Variants in BRINP1 observed in about 807,000 individuals in gnomAD.
The protein encoded by BRINP1 is BMP/retinoic acid-inducible neural-specific protein 1.
Under a neutral mutation model 72.9 loss-of-function variants are expected in BRINP1, and 17 were observed. That is an observed-to-expected ratio of 0.23 (90% CI 0.16 to 0.35). The LOEUF (loss-of-function observed/expected upper bound fraction) is 0.35. Ranked by LOEUF, BRINP1 falls within the 10% of genes least tolerant of loss-of-function variation. The pLI, the probability that BRINP1 is intolerant of heterozygous loss-of-function variation, is 1.00. For missense variants in BRINP1, 850 were observed against 1,001.6 expected, an observed-to-expected ratio of 0.85 and a Z score of 2.04; for synonymous variants, 418 against 378.5, an observed-to-expected ratio of 1.10 and a Z score of -1.21.
chr9:119,209,420 T>C (rs1829896551), intron 6 of BRINP1, among the ~76,000 whole-genome samples: 1 of 151,760 alleles, frequency 6.6e-6, no homozygotes, highest in Non-Finnish European at 1.5e-5. Context: ...ATATAAAAAT[T>C]AACCAGGCGT....
chr9:119,203,150 T>G (rs1399234605), intron 7 of BRINP1, among the ~76,000 whole-genome samples: 1 of 152,162 alleles, frequency 6.6e-6, no homozygotes, highest in Non-Finnish European at 1.5e-5. Context: ...CCAAACCCAG[T>G]GCAGTCTCCT....
chr9:119,282,721 G>T, intron 2 of BRINP1: 10 of 888,250 alleles, frequency 1.1e-5, no homozygotes, highest in Non-Finnish European at 1.3e-5. Flanking sequence ...TCTGGAAGGG[G>T]ACTGGGGAAC....
At chr9:119,214,885 T>G (rs1829962820) in intron 5 of BRINP1, among the ~76,000 whole-genome samples, 1 of 152,114 alleles carries the variant, frequency 6.6e-6, no homozygotes, top group Admixed American at 6.5e-5. Context: ...AAATTCCTAG[T>G]GAAGAAATGA....
intron 1 of BRINP1, among the ~76,000 whole-genome samples, chr9:119,334,343 T>C (rs370773404): frequency 2.3e-4 from 35 of 152,280 alleles, no homozygotes; most frequent in East Asian, 1.4e-3. Context: ...CAACACCGTG[T>C]TGTTGGCACA....
chr9:119,287,773 T>C (rs963622958), intron 2 of BRINP1, among the ~76,000 whole-genome samples: 3 of 151,998 alleles, frequency 2.0e-5, no homozygotes, highest in Non-Finnish European at 4.4e-5. Flanking sequence ...TCAGACATAA[T>C]TTTTTCAATT....
At chr9:119,356,641 C>G (rs1275237999) in intron 1 of BRINP1, among the ~76,000 whole-genome samples, 1 of 151,760 alleles carries the variant, frequency 6.6e-6, no homozygotes, top group Non-Finnish European at 1.5e-5. Context: ...CTCATCTCTA[C>G]TAAAAATACA....
intron 1 of BRINP1, among the ~76,000 whole-genome samples, chr9:119,321,569 C>CGCATCAGCGATCCTCCT: frequency 6.6e-6 from 1 of 152,214 alleles, no homozygotes; most frequent in South Asian, 2.1e-4. Flanking sequence ...TCCAGCTCAC[C>CGCATCAGCGATCCTCCT]GCATCAGCGA....
At chr9:119,190,900 C>G (rs1829676876) in intron 7 of BRINP1, among the ~76,000 whole-genome samples, 1 of 151,806 alleles carries the variant, frequency 6.6e-6, no homozygotes, top group Middle Eastern at 3.2e-3. Context: ...CAAAAATCCT[C>G]AATAAAATAT....
At chr9:119,305,843 T>C (rs568188500) in intron 2 of BRINP1, among the ~76,000 whole-genome samples, 21 of 152,150 alleles carry the variant, frequency 1.4e-4, no homozygotes, top group Non-Finnish European at 2.2e-4. Flanking sequence ...CTTCCCTCTA[T>C]CCCCAGGAAA....
Position 119,185,964 on chromosome 9 carries a change from T to C in BRINP1, c.1146-17740A>G, listed in dbSNP as rs1281662796. ...TCCATCCCTGAGGCACTGACATCAT[T>C]GCACTATGATCATACACAGTAGTGC... On this transcript the variant is annotated intron_variant, in intron 7 of 7. Transcript: ENST00000265922. Among the ~76,000 whole-genome samples the C allele has an allele frequency of 1.3e-5, 2 of 152,240 alleles. 1 individual carries two copies. Among genetic ancestry groups the C allele is most frequent in the Non-Finnish European group, 2.9e-5 (2 of 68,046 alleles).
intron 6 of BRINP1, among the ~76,000 whole-genome samples, chr9:119,209,895 T>A (rs1829904696): frequency 6.6e-6 from 1 of 152,208 alleles, no homozygotes; most frequent in African/African-American, 2.4e-5. Context: ...GTTGTATGGG[T>A]GTCCCATCTA....
intron 7 of BRINP1, among the ~76,000 whole-genome samples, chr9:119,207,072 G>C (rs10984440): frequency 2.6e-5 from 4 of 152,164 alleles, no homozygotes; most frequent in Non-Finnish European, 4.4e-5. Flanking sequence ...GTTTCATAAG[G>C]GGGGAAAGAG....
intron 1 of BRINP1, among the ~76,000 whole-genome samples, chr9:119,361,110 A>G (rs906190631): frequency 1.3e-5 from 2 of 152,170 alleles, no homozygotes; most frequent in Admixed American, 1.3e-4. Flanking sequence ...GTGTGGGGAT[A>G]GCAGGAAGTC....
At chr9:119,279,671 T>C (rs1239087306) in intron 2 of BRINP1, among the ~76,000 whole-genome samples, 1 of 152,206 alleles carries the variant, frequency 6.6e-6, no homozygotes, top group Non-Finnish European at 1.5e-5. Context: ...AGGCCTGCAC[T>C]AATGAACTGA....
At chr9:119,279,162 C>A (rs900885276) in intron 2 of BRINP1, among the ~76,000 whole-genome samples, 5 of 152,204 alleles carry the variant, frequency 3.3e-5, no homozygotes, top group African/African-American at 1.2e-4. Context: ...ATAACATGAA[C>A]TCAGGCTATT....
intron 7 of BRINP1, among the ~76,000 whole-genome samples, chr9:119,200,113 A>G (rs1829789327): frequency 6.6e-6 from 1 of 152,208 alleles, no homozygotes; most frequent in Non-Finnish European, 1.5e-5. Context: ...ACGGAACTCA[A>G]TTTGCAGAAG....
chr9:119,355,195 G>C (rs987690353), intron 1 of BRINP1, among the ~76,000 whole-genome samples: 8 of 152,116 alleles, frequency 5.3e-5, no homozygotes, highest in African/African-American at 1.9e-4. Context: ...GTCACCCAAA[G>C]ATGACTATTC....
intron 2 of BRINP1, among the ~76,000 whole-genome samples, chr9:119,272,477 G>A (rs1830617527): frequency 6.6e-6 from 1 of 152,152 alleles, no homozygotes; most frequent in African/African-American, 2.4e-5. Flanking sequence ...AGAGACTAAA[G>A]CTGAATTCAT....
At chr9:119,271,589 T>C (rs1830605552) in intron 2 of BRINP1, among the ~76,000 whole-genome samples, 1 of 152,036 alleles carries the variant, frequency 6.6e-6, no homozygotes. Context: ...AGAAGAAACA[T>C]GCCAAAATAT....
Sources: gnomAD v4.1 joint callset for allele counts (sites outside exome capture counted in the v4.1 genomes callset) on GRCh38, gnomAD v4.1.1 for gene constraint, MANE v1.5 for transcripts, NCBI Gene and HGNC (gene_info 2026-07-23, HGNC 2026-07-21) for gene names.